PLPP3: variants seen among roughly 807,000 people sequenced by gnomAD.
PLPP3 encodes the protein phospholipid phosphatase 3, also known as PAP2 beta.
PLPP3 carries 6 observed loss-of-function variants against 29.6 expected under a neutral mutation model. That is an observed-to-expected ratio of 0.20 (90% CI 0.11 to 0.40). The LOEUF (loss-of-function observed/expected upper bound fraction) is 0.40. Among genes scored for constraint, PLPP3 ranks in the 10% least tolerant of loss-of-function variants. The pLI is 1.00. For synonymous variants in PLPP3, 152 were observed against 159.7 expected, an observed-to-expected ratio of 0.95 and a Z score of 0.36; for missense variants, 308 against 407.7, an observed-to-expected ratio of 0.76 and a Z score of 2.11.
chr1:56,517,945 A>G (rs553585792), intron 4 of PLPP3, among the ~76,000 whole-genome samples: 1 of 152,320 alleles, frequency 6.6e-6, no homozygotes, highest in African/African-American at 2.4e-5. Flanking sequence ...TATACCTCAT[A>G]GCAGAGGTGA....
intron 1 of PLPP3, among the ~76,000 whole-genome samples, chr1:56,545,555 G>A (rs947916733): frequency 6.6e-6 from 1 of 152,276 alleles, no homozygotes; most frequent in African/African-American, 2.4e-5. Flanking sequence ...ATGGGGCTTT[G>A]ACAGTGGTTA....
intron 1 of PLPP3, among the ~76,000 whole-genome samples, chr1:56,575,136 G>A (rs1016157379): frequency 6.6e-6 from 1 of 152,056 alleles, no homozygotes; most frequent in Admixed American, 6.6e-5. Context: ...CTAGAAATCG[G>A]TCACCGCATG....
intron 5 of PLPP3, among the ~76,000 whole-genome samples, chr1:56,503,025 C>T (rs750595802): frequency 3.3e-5 from 5 of 152,172 alleles, no homozygotes; most frequent in Non-Finnish European, 5.9e-5. Context: ...GGACCTGGCT[C>T]ACCCTCATGC....
intron 1 of PLPP3, among the ~76,000 whole-genome samples, chr1:56,556,886 G>A (rs1257323471): frequency 7.2e-6 from 1 of 139,502 alleles, no homozygotes; most frequent in East Asian, 2.2e-4. Flanking sequence ...CATAGTGAGA[G>A]AAGAAAGAAA....
rs185070841 is a variant in PLPP3 at position 56,574,071 on chromosome 1, G to A, written c.139+4807C>T. On this transcript the variant is annotated intron_variant, in intron 1 of 5. Transcript: ENST00000371250. Reference sequence around the variant, plus strand: ...AAAAATTAGCTAAGCATGGTGGCACGTGCCTGTAGTCCCAGCTACTCAGGA... The same window carrying A: ...AAAAATTAGCTAAGCATGGTGGCACATGCCTGTAGTCCCAGCTACTCAGGA... Among the ~76,000 whole-genome samples, 16 of 151,870 alleles carry A rather than the reference G, an allele frequency of 1.1e-4. No homozygotes were observed. In the East Asian group the frequency reaches 2.0e-3, roughly 19 times the overall value.
intron 4 of PLPP3, chr1:56,513,097 C>A (rs1399087902): frequency 6.6e-6 from 1 of 151,998 alleles, no homozygotes; most frequent in East Asian, 1.9e-4. Flanking sequence ...TATAAGGAAA[C>A]AATAAACCAA....
intron 4 of PLPP3, chr1:56,516,937 G>C (rs943110691): frequency 2.0e-5 from 3 of 152,178 alleles, no homozygotes; most frequent in Non-Finnish European, 2.9e-5. Flanking sequence ...TTCAGAACTA[G>C]GGTCTTGTGG....
chr1:56,575,142 G>A lies in PLPP3; in HGVS notation c.139+3736C>T, dbSNP rs534905753. The stretch of plus-strand genomic sequence containing the variant: ...AAGCCTCTACTAGAAATCGGTCACC[G>A]CATGTTTAATGGCAATAATAGACAT... On this transcript the variant is annotated intron_variant, in intron 1 of 5. Transcript: ENST00000371250. 1.1e-4 allele frequency among the ~76,000 whole-genome samples: 17 copies of A among 152,168 alleles called. 1 individual carries two copies. In the South Asian group the frequency reaches 2.9e-3, roughly 26 times the overall value.
intron 4 of PLPP3, among the ~76,000 whole-genome samples, chr1:56,516,469 A>C (rs1226592849): frequency 6.6e-6 from 1 of 152,216 alleles, no homozygotes; most frequent in Admixed American, 6.5e-5. Flanking sequence ...GAATACCCAG[A>C]GGGGCTTTAG....
intron 1 of PLPP3, among the ~76,000 whole-genome samples, chr1:56,570,059 T>C (rs1325738518): frequency 6.6e-6 from 1 of 152,188 alleles, no homozygotes; most frequent in Admixed American, 6.5e-5. Flanking sequence ...TTCACCAGCC[T>C]GGGAATTCCT....
At chr1:56,528,282 T>G (rs1645865402) in intron 2 of PLPP3, among the ~76,000 whole-genome samples, 2 of 152,166 alleles carry the variant, frequency 1.3e-5, no homozygotes, top group Non-Finnish European at 2.9e-5. Context: ...GGGCTGCAGT[T>G]TGGAGAGAGG....
chr1:56,501,007 CAAAAAAAAAAA>C (rs71048436), intron 5 of PLPP3, among the ~76,000 whole-genome samples: 26 of 84,962 alleles, frequency 3.1e-4, no homozygotes, highest in South Asian at 1.8e-3. Flanking sequence ...CTGTCTCAGA[CAAAAAAAAAAA>C]AAAAAAAAAA....
chr1:56,576,836 T>G (rs1047427842), intron 1 of PLPP3, among the ~76,000 whole-genome samples: 3 of 152,150 alleles, frequency 2.0e-5, no homozygotes, highest in Non-Finnish European at 4.4e-5. Flanking sequence ...ACACACCTTT[T>G]TTACACCTTC....
intron 5 of PLPP3, among the ~76,000 whole-genome samples, chr1:56,503,805 G>A (rs980422091): frequency 6.6e-6 from 1 of 152,192 alleles, no homozygotes; most frequent in Non-Finnish European, 1.5e-5. Flanking sequence ...TTTTGAGACA[G>A]AGTCTTGCTC....
At chr1:56,506,447 A>G (rs1236351729) in intron 5 of PLPP3, among the ~76,000 whole-genome samples, 1 of 152,182 alleles carries the variant, frequency 6.6e-6, no homozygotes, top group Non-Finnish European at 1.5e-5. Context: ...GGAAGATAGC[A>G]GCACACAAAA....
At chr1:56,569,173 TTTTTTG>T (rs1232193270) in intron 1 of PLPP3, among the ~76,000 whole-genome samples, 1 of 152,048 alleles carries the variant, frequency 6.6e-6, no homozygotes, top group Non-Finnish European at 1.5e-5. Context: ...TAGCCTTTAG[TTTTTTG>T]TTTTTGTTTT....
In PLPP3 at chr1:56,524,318, G is replaced by C; in HGVS notation, c.534C>G (p.Asn178Lys). 6.2e-7 allele frequency: 1 copy of C among 1,614,000 alleles called. No homozygotes were observed. Among genetic ancestry groups the C allele is most frequent in the South Asian group, 1.1e-5 (1 of 91,080 alleles). The stretch of plus-strand genomic sequence containing the variant: ...TGCTGTCATCACCTCTGCATCTGTA[G>C]TTCTGAATGTAGCCTTCAGAGCAGT... ...QINCSEGYIQ[N>K]YRCRGDDSKV... Residue 178 changes from asparagine to lysine, a missense_variant, in exon 3 of 6, where the codon AAC (asparagine) becomes AAG (lysine). Asn to Lys is a moderately conservative substitution (Grantham distance 94, BLOSUM62 0). Coordinates refer to ENST00000371250, the MANE Select transcript of PLPP3 (RefSeq NM_003713.5). This position sits in a 1 kb window ranked among gnomAD's most constrained non-coding sequence, Gnocchi z 4.3.
chr1:56,504,104 A>G (rs930660165), intron 5 of PLPP3, among the ~76,000 whole-genome samples: 1 of 152,184 alleles, frequency 6.6e-6, no homozygotes, highest in African/African-American at 2.4e-5. Flanking sequence ...CATCACTGCT[A>G]TTGAGGAATG....
intron 2 of PLPP3, among the ~76,000 whole-genome samples, chr1:56,531,935 C>A (rs752346209): frequency 6.6e-6 from 1 of 152,176 alleles, no homozygotes; most frequent in Non-Finnish European, 1.5e-5. Context: ...CCCCAACACA[C>A]ACTGCCCCTC....
Sources: gnomAD v4.1 joint callset for allele counts (sites outside exome capture counted in the v4.1 genomes callset) on GRCh38, gnomAD v4.1.1 for gene constraint, Gnocchi (gnomAD v3.1) non-coding constraint, MANE v1.5 for transcripts, NCBI Gene and HGNC (gene_info 2026-07-23, HGNC 2026-07-21) for gene names.